GPRC5C: variants seen among roughly 807,000 people sequenced by gnomAD.
GPRC5C encodes G protein-coupled receptor family C group 5 member C.
A neutral mutation model predicts 31.4 loss-of-function variants in GPRC5C; 22 were observed. The observed-to-expected ratio is 0.70, with a 90% CI of 0.50 to 1.00. The LOEUF is 1.00. Ranked by LOEUF, GPRC5C falls within the 50% of genes least tolerant of loss-of-function variation. The probability of loss-of-function intolerance (pLI) is 0.00; values close to 1 mark genes in which losing one functional copy is unlikely to be tolerated. For synonymous variants in GPRC5C, 249 were observed against 257.5 expected, an observed-to-expected ratio of 0.97 and a Z score of 0.32; for missense variants, 557 against 597.2, an observed-to-expected ratio of 0.93 and a Z score of 0.70.
chr17:74,438,226 T>TAC (rs2055467989), intron 1 of GPRC5C, among the ~76,000 whole-genome samples: 2 of 112,212 alleles, frequency 1.8e-5, no homozygotes, highest in Admixed American at 8.4e-5. Context: ...TATATATATA[T>TAC]ATATATATAT....
At chr17:74,437,663 G>C (rs1183046310) in intron 1 of GPRC5C, among the ~76,000 whole-genome samples, 1 of 126,866 alleles carries the variant, frequency 7.9e-6, no homozygotes, top group Non-Finnish European at 1.5e-5. Flanking sequence ...GTTGAAAAGA[G>C]GGACAATTTC....
chr17:74,436,628 C>T (rs1445405131), intron 1 of GPRC5C, among the ~76,000 whole-genome samples: 2 of 152,220 alleles, frequency 1.3e-5, no homozygotes, highest in African/African-American at 2.4e-5. Flanking sequence ...GCTCTGGGAA[C>T]AACAGGGCCT....
At chr17:74,444,013 G>T in intron 3 of GPRC5C, 101 bp downstream of exon 3, 1 of 804,542 alleles carries the variant, frequency 1.2e-6, no homozygotes, top group South Asian at 1.6e-5. Context: ...GGGTTGGGTG[G>T]AGGTGGTAAG....
chr17:74,438,252 T>TATATATATA (rs1250000838), intron 1 of GPRC5C, among the ~76,000 whole-genome samples: 11 of 107,666 alleles, frequency 1.0e-4, no homozygotes, highest in African/African-American at 3.2e-4. Flanking sequence ...TATATATATA[T>TATATATATA]TTGTTGTTGT....
At chr17:74,449,509 G>A, downstream of GPRC5C, 1 of 427,280 alleles carries the variant, frequency 2.3e-6, no homozygotes, top group Admixed American at 3.2e-5. Flanking sequence ...GGACCGAGTG[G>A]GCCCCCGTGA....
chr17:74,449,027 G>C, downstream of GPRC5C: 2 of 551,318 alleles, frequency 3.6e-6, no homozygotes, highest in South Asian at 3.4e-5. Flanking sequence ...CGGCCCCGGG[G>C]AGCCTGCTCC....
intron 1 of GPRC5C, chr17:74,432,489 C>T: frequency 9.7e-7 from 1 of 1,035,990 alleles, no homozygotes; most frequent in Non-Finnish European, 1.2e-6. Context: ...TGGCCCCAAA[C>T]GCTGCGCTGG....
rs148766045 is a variant in GPRC5C at position 74,436,994 on chromosome 17, G to A, written c.-32-2751G>A. On this transcript the variant is annotated intron_variant, in intron 1 of 3. Coordinates refer to ENST00000392627, the MANE Select transcript of GPRC5C (RefSeq NM_022036.4). ...GTCTCGCTCCGTCACCCAGGCTGGA[G>A]TGCAGTGGCGCAATCTCGGCTCACT... is the stretch of plus-strand genomic sequence containing the variant. 6.6e-3 allele frequency among the ~76,000 whole-genome samples: 999 copies of A among 152,304 alleles called. 12 individuals are homozygous for A. The highest frequency in any genetic ancestry group is 0.02 in the Middle Eastern group (6 of 294).
chr17:74,449,931 G>C (rs927791533), downstream of GPRC5C: 1 of 152,974 alleles, frequency 6.5e-6, no homozygotes, highest in Admixed American at 6.5e-5. Flanking sequence ...TGAGATGGGG[G>C]CAGAGCTCAG....
downstream of GPRC5C, chr17:74,447,453 C>T (rs1213150104): frequency 1.5e-6 from 1 of 686,792 alleles, no homozygotes; most frequent in Non-Finnish European, 1.8e-6. Context: ...ATTGTGGTTT[C>T]TGACCTGGCC....
downstream of GPRC5C, chr17:74,447,467 T>C: frequency 1.9e-6 from 1 of 519,368 alleles, no homozygotes; most frequent in Non-Finnish European, 2.5e-6. Context: ...CCTGGCCTCC[T>C]GGTTTCTGAT....
chr17:74,449,290 C>T (rs566455562), downstream of GPRC5C: 465 of 1,167,706 alleles, frequency 4.0e-4, 12 homozygotes, highest in South Asian at 5.3e-3. Context: ...TTGGGCCCCA[C>T]GCAGTAGAGT....
chr17:74,447,174 G>A lies in GPRC5C; in HGVS notation c.*146G>A. 1 of 1,431,382 alleles carries A rather than the reference G, an allele frequency of 7.0e-7. No individual in the cohort carries two copies. Among genetic ancestry groups the A allele is most frequent in the South Asian group, 1.5e-5 (1 of 67,210 alleles). 88.7% of individuals were successfully genotyped at this position (1,431,382 alleles called of 1,614,324 possible). On this transcript the variant is annotated 3_prime_UTR_variant, in exon 4 of 4. Transcript: ENST00000392627. ...TGGAAGGGCCTCCCTCTCTGCCAGT[G>A]TTTGGGTGGGTGTCATGGGTGTCCC...
At chr17:74,443,121 T>G (rs1171693408) in intron 2 of GPRC5C, 4 of 165,474 alleles carry the variant, frequency 2.4e-5, no homozygotes, top group Non-Finnish European at 5.2e-5. Context: ...CAAGGCCTGC[T>G]CCGAGGCCCC....
chr17:74,446,091 C>T (rs1003429151), intron 3 of GPRC5C: 1 of 150,224 alleles, frequency 6.7e-6, no homozygotes, highest in African/African-American at 2.5e-5. Context: ...GAGCCATGTC[C>T]TCCGCCAGGG....
chr17:74,438,252 T>TTTG (rs146623867), intron 1 of GPRC5C, among the ~76,000 whole-genome samples: 1 of 107,686 alleles, frequency 9.3e-6, no homozygotes, highest in Non-Finnish European at 1.7e-5. Context: ...TATATATATA[T>TTTG]TTGTTGTTGT....
chr17:74,433,248 C>A (rs1199854758), intron 1 of GPRC5C, among the ~76,000 whole-genome samples: 1 of 150,808 alleles, frequency 6.6e-6, no homozygotes, highest in Non-Finnish European at 1.5e-5. Flanking sequence ...GCCCCCCACC[C>A]CTGTGCCTTC....
At chr17:74,432,463 C>A (rs577368102) in intron 1 of GPRC5C, 4 of 1,077,332 alleles carry the variant, frequency 3.7e-6, no homozygotes, top group Non-Finnish European at 4.5e-6. Context: ...GCCCGCCCCC[C>A]GCCTGGGGCT....
chr17:74,438,206 C>CATATAT (rs71157066), intron 1 of GPRC5C, among the ~76,000 whole-genome samples: 199 of 45,230 alleles, frequency 4.4e-3, no homozygotes, highest in Non-Finnish European at 5.5e-3. Flanking sequence ...TCTGCTAATT[C>CATATAT]ATATATATAT....
Sources: gnomAD v4.1 joint callset for allele counts (sites outside exome capture counted in the v4.1 genomes callset) on GRCh38, gnomAD v4.1.1 for gene constraint, MANE v1.5 for transcripts, NCBI Gene and HGNC (gene_info 2026-07-23, HGNC 2026-07-21) for gene names.